Variants in STK32B observed in about 807,000 individuals in gnomAD.
STK32B encodes serine/threonine kinase 32B.
A neutral mutation model predicts 52.6 loss-of-function variants in STK32B; 43 were observed. The observed-to-expected ratio is 0.82, with a 90% CI of 0.64 to 1.05. The LOEUF (loss-of-function observed/expected upper bound fraction) is 1.05, where lower values mean the gene tolerates loss of function less well. Ranked by LOEUF, STK32B falls within the 50% of genes least tolerant of loss-of-function variation. The pLI is 0.00. For synonymous variants in STK32B, 238 were observed against 204.3 expected (o/e 1.17, Z -1.41); for missense variants, 621 against 534.6 (o/e 1.16, Z -1.59).
rs1353649149 is a variant in STK32B, at chr4:5,231,815, A to G, written c.260+63365A>G. On this transcript the variant is annotated intron_variant, in intron 3 of 11. Coordinates refer to ENST00000282908, the MANE Select transcript of STK32B (RefSeq NM_018401.3). Reference sequence around the variant, plus strand: ...ACCTGACTCTGAAGAGTTGAAGAGAAAGAGATCAATAGCCCAGGAGGATCA... The same window carrying G: ...ACCTGACTCTGAAGAGTTGAAGAGAGAGAGATCAATAGCCCAGGAGGATCA... 3.3e-5 allele frequency among the ~76,000 whole-genome samples: 5 copies of G among 152,266 alleles called. No homozygotes were observed. The East Asian group carries it at 9.6e-4, about 29-fold the overall frequency.
intron 3 of STK32B, among the ~76,000 whole-genome samples, chr4:5,271,950 A>G (rs1365182451): frequency 1.3e-5 from 2 of 148,422 alleles, no homozygotes; most frequent in Non-Finnish European, 2.9e-5. Context: ...TCATCTGCAA[A>G]CAGGGACAAT....
At chr4:5,486,104 T>A (rs971347449) in intron 11 of STK32B, among the ~76,000 whole-genome samples, 5 of 152,140 alleles carry the variant, frequency 3.3e-5, no homozygotes, top group Non-Finnish European at 1.5e-5. Context: ...ACCACTACTT[T>A]CGGGGAAGCT....
At chr4:5,042,763 C>T in the STK32B span, among the ~76,000 whole-genome samples, 1 of 152,164 alleles carries the variant, frequency 6.6e-6, no homozygotes, top group Non-Finnish European at 1.5e-5. Context: ...TGCATGATCC[C>T]GTCCCTGACA....
the STK32B span, among the ~76,000 whole-genome samples, chr4:5,023,865 T>C: frequency 1.3e-5 from 2 of 152,318 alleles, no homozygotes; most frequent in Admixed American, 6.5e-5. Context: ...TCTTACACTA[T>C]GTGGGACCCA....
intron 1 of STK32B, among the ~76,000 whole-genome samples, chr4:5,135,124 A>T (rs1231626963): frequency 6.6e-6 from 1 of 152,252 alleles, no homozygotes; most frequent in African/African-American, 2.4e-5. Context: ...GTCATGATTT[A>T]ATCAGACCAG....
chr4:5,253,184 C>T (rs1424712865), intron 3 of STK32B, among the ~76,000 whole-genome samples: 1 of 152,082 alleles, frequency 6.6e-6, no homozygotes, highest in Non-Finnish European at 1.5e-5. Context: ...CTGTTGCTTC[C>T]TGAGTAGAGC....
chr4:5,196,334 G>GTTTTT (rs35605834), intron 3 of STK32B, among the ~76,000 whole-genome samples: 950 of 87,406 alleles, frequency 0.011, 32 homozygotes, highest in African/African-American at 0.031. Flanking sequence ...TCTTTCTTCA[G>GTTTTT]TTTTTTTTTT....
intron 7 of STK32B, among the ~76,000 whole-genome samples, chr4:5,452,080 C>A (rs1159587723): frequency 2.0e-5 from 3 of 152,168 alleles, no homozygotes; most frequent in South Asian, 2.1e-4. Flanking sequence ...GGCCTATGGG[C>A]TTCATGAGCA....
chr4:5,077,667 CT>C (rs1329171338), intron 1 of STK32B, among the ~76,000 whole-genome samples: 5 of 152,096 alleles, frequency 3.3e-5, no homozygotes, highest in African/African-American at 1.2e-4. Flanking sequence ...CCTAAGACAC[CT>C]GGCAGCTTTA....
chr4:5,239,605 C>G (rs541087212), intron 3 of STK32B, among the ~76,000 whole-genome samples: 1 of 152,214 alleles, frequency 6.6e-6, no homozygotes, highest in Non-Finnish European at 1.5e-5. Context: ...GTGCACCCAA[C>G]TGATGCTGGG....
chr4:5,491,439 T>C lies in STK32B; in HGVS notation c.1107-7506T>C, dbSNP rs1188133068. Among the ~76,000 whole-genome samples, 15 of 152,224 alleles carry C rather than the reference T, an allele frequency of 9.9e-5. No homozygotes were observed. In the East Asian group the frequency reaches 1.7e-3, roughly 18 times the overall value. Reference sequence around the variant, plus strand: ...TTGATGGGGTTGTCTGATTTTTTCTTGTAAATTTGTTTGAGTTCATTGTAG... The same window carrying C: ...TTGATGGGGTTGTCTGATTTTTTCTCGTAAATTTGTTTGAGTTCATTGTAG... On this transcript the variant is annotated intron_variant, in intron 11 of 11. Transcript: ENST00000282908.
rs1265987335 is a variant in STK32B, at chr4:5,317,261, C to T, written c.261-13959C>T. ...TATATATATTATATATAACATATAA[C>T]ATATATATAATATATAACATATAAC... is the stretch of plus-strand genomic sequence containing the variant. On this transcript the variant is annotated intron_variant, in intron 3 of 11. Coordinates refer to ENST00000282908, the MANE Select transcript of STK32B (RefSeq NM_018401.3). Among the ~76,000 whole-genome samples, 32 of 16,124 alleles carry T rather than the reference C, an allele frequency of 2.0e-3. 4 individuals are homozygous for T. Among genetic ancestry groups the T allele is most frequent in the African/African-American group, 0.012 (28 of 2,390 alleles). The allele number at this position is 16,124 out of a possible 152,430, so 10.6% of individuals were successfully genotyped here.
intron 4 of STK32B, among the ~76,000 whole-genome samples, chr4:5,334,542 C>T (rs532495190): frequency 5.9e-5 from 9 of 152,274 alleles, no homozygotes; most frequent in Admixed American, 2.6e-4. Context: ...AGAGGGCATC[C>T]GTGTCTTGTG....
At chr4:5,050,832 C>T (rs958723120), upstream of STK32B, among the ~76,000 whole-genome samples, 2 of 152,170 alleles carry the variant, frequency 1.3e-5, no homozygotes, top group African/African-American at 2.4e-5. Flanking sequence ...GCCCAGGGAC[C>T]CTCATGCTAG....
chr4:5,401,905 A>G (rs1002104995), intron 5 of STK32B, among the ~76,000 whole-genome samples: 1 of 152,224 alleles, frequency 6.6e-6, no homozygotes, highest in East Asian at 1.9e-4. Context: ...CTTGCTCCTA[A>G]GACCAAGGTT....
intron 3 of STK32B, among the ~76,000 whole-genome samples, chr4:5,202,746 G>T (rs1458389607): frequency 6.6e-6 from 1 of 152,192 alleles, no homozygotes; most frequent in East Asian, 1.9e-4. Context: ...CTCTAAAGCT[G>T]CATGGCAGCC....
intron 6 of STK32B, among the ~76,000 whole-genome samples, chr4:5,420,065 C>G (rs1712496112): frequency 6.6e-6 from 1 of 152,090 alleles, no homozygotes; most frequent in Non-Finnish European, 1.5e-5. Context: ...GAAATAGACA[C>G]AAGTATTTCT....
chr4:5,308,497 G>T (rs1730074514), intron 3 of STK32B, among the ~76,000 whole-genome samples: 1 of 152,100 alleles, frequency 6.6e-6, no homozygotes, highest in Non-Finnish European at 1.5e-5. Flanking sequence ...TTCCTCTAGA[G>T]TTATTATAAA....
In STK32B at chr4:5,316,282, T is replaced by G. The variant is rs181839757; in HGVS notation, c.261-14938T>G. ...ATATTATATAGTATATATAATATAT[T>G]ATATACAATATTATATATAATATAT... is the stretch of plus-strand genomic sequence containing the variant. On this transcript the variant is annotated intron_variant, in intron 3 of 11. Transcript: ENST00000282908. 2.6e-3 allele frequency among the ~76,000 whole-genome samples: 195 copies of G among 74,326 alleles called. 13 individuals are homozygous for G. The highest frequency in any genetic ancestry group is 0.016 in the African/African-American group (183 of 11,718). The allele number at this position is 74,326 out of a possible 152,430, so 48.8% of individuals were successfully genotyped here.
Sources: allele counts gnomAD v4.1 joint callset (sites outside exome capture counted in the v4.1 genomes callset), GRCh38; gene constraint gnomAD v4.1.1; transcripts MANE v1.5; gene names NCBI Gene and HGNC (gene_info 2026-07-23, HGNC 2026-07-21).